Variants in ATXN2 observed in about 807,000 individuals in gnomAD.
ATXN2 encodes ataxin-2.
Under a neutral mutation model 138.6 loss-of-function variants are expected in ATXN2, and 37 were observed. The ratio of observed to expected loss-of-function variants is 0.27; its 90% confidence interval spans 0.21 to 0.35. The LOEUF (loss-of-function observed/expected upper bound fraction) is 0.35. ATXN2 is among the 10% of genes least tolerant of loss of function. The pLI is 1.00. For synonymous variants in ATXN2, 549 were observed against 543.7 expected (o/e 1.01, Z -0.13); for missense variants, 1,216 against 1,480.3 (o/e 0.82, Z 2.93).
chr12:111,507,678 G>A (rs1211427071), intron 14 of ATXN2, among the ~76,000 whole-genome samples: 1 of 152,270 alleles, frequency 6.6e-6, no homozygotes, highest in Non-Finnish European at 1.5e-5. Flanking sequence ...AGCTTATTGA[G>A]AACGGGCCAT....
chr12:111,461,744 A>ACC lies in ATXN2; in HGVS notation c.2896+2916_2896+2917dup, dbSNP rs1875598604. Among the ~76,000 whole-genome samples the ACC allele has an allele frequency of 2.0e-5, 3 of 151,784 alleles. 1 individual carries two copies. In the Middle Eastern group the frequency reaches 0.01, roughly 516 times the overall value. On this transcript the variant is annotated intron_variant, in intron 21 of 24. Coordinates refer to ENST00000673436, the MANE Select transcript of ATXN2 (RefSeq NM_001372574.1). ...AGACCAGCCTGGCCAAGATGGTGAA[A>ACC]CCCTGTCTCTACTAAAAATACAAAA... is the stretch of plus-strand genomic sequence containing the variant.
chr12:111,482,191 T>A (rs1474369722), intron 18 of ATXN2, among the ~76,000 whole-genome samples: 1 of 50,980 alleles, frequency 2.0e-5, no homozygotes, highest in African/African-American at 4.4e-4. Context: ...TTCTCTACTA[T>A]TTTTTTTTTT....
At chr12:111,591,327 C>G (rs1252533970) in intron 1 of ATXN2, among the ~76,000 whole-genome samples, 1 of 151,946 alleles carries the variant, frequency 6.6e-6, no homozygotes, top group Non-Finnish European at 1.5e-5. Context: ...TATTACGTTT[C>G]TATTTATTTC....
At chr12:111,518,556 C>T (rs1879981527) in intron 8 of ATXN2, 129 bp from the exon 9 acceptor site, 1 of 917,096 alleles carries the variant, frequency 1.1e-6, no homozygotes, top group South Asian at 2.1e-5. Context: ...CAAACTGCCT[C>T]ACTCCCAGAT....
intron 1 of ATXN2, among the ~76,000 whole-genome samples, chr12:111,558,875 C>T (rs1468947730): frequency 1.3e-5 from 2 of 151,220 alleles, no homozygotes; most frequent in East Asian, 3.9e-4. Flanking sequence ...ATGGTATGAG[C>T]TGATAACTAT....
intron 1 of ATXN2, among the ~76,000 whole-genome samples, chr12:111,584,430 C>T (rs537443924): frequency 1.7e-4 from 25 of 142,946 alleles, no homozygotes; most frequent in Non-Finnish European, 3.3e-4. Context: ...ACTGTTGCTG[C>T]TCGTGGCAGA....
intron 18 of ATXN2, among the ~76,000 whole-genome samples, chr12:111,479,495 T>C (rs575667479): frequency 2.6e-4 from 39 of 150,798 alleles, no homozygotes; most frequent in Non-Finnish European, 4.9e-4. Context: ...GGCAGTGGAA[T>C]TGCAGACCAA....
chr12:111,522,118 A>C (rs776468531), intron 6 of ATXN2, among the ~76,000 whole-genome samples: 1 of 152,140 alleles, frequency 6.6e-6, no homozygotes, highest in African/African-American at 2.4e-5. Flanking sequence ...TCCAGGTAAG[A>C]CTATAATGTA....
chr12:111,570,537 T>C (rs990562988), intron 1 of ATXN2, among the ~76,000 whole-genome samples: 2 of 152,246 alleles, frequency 1.3e-5, no homozygotes, highest in East Asian at 3.8e-4. Context: ...TCTATCACAC[T>C]GTGAACCAAA....
rs746562037 is a variant in ATXN2, at chr12:111,483,188, A to AACAC, written c.2524+2073_2524+2076dup. 4.3e-3 allele frequency among the ~76,000 whole-genome samples: 513 copies of AACAC among 118,890 alleles called. 7 individuals carry two copies. Among genetic ancestry groups the AACAC allele is most frequent in the Non-Finnish European group, 5.7e-3 (329 of 58,222 alleles). The allele number at this position is 118,890 out of a possible 152,430, so 78.0% of individuals were successfully genotyped here. A position where few individuals can be genotyped will look rare whatever the true frequency, so the allele number is the denominator to read the frequency against. ...AGCAGCAAAGCAAGACCCTGTATCA[A>AACAC]ACACATACACACACACACACACACA... On this transcript the variant is annotated intron_variant, in intron 18 of 24. Coordinates refer to ENST00000673436, the MANE Select transcript of ATXN2 (RefSeq NM_001372574.1).
intron 1 of ATXN2, among the ~76,000 whole-genome samples, chr12:111,560,911 C>T (rs1026366668): frequency 6.6e-6 from 1 of 152,224 alleles, no homozygotes; most frequent in Non-Finnish European, 1.5e-5. Flanking sequence ...CGAAAGAAAA[C>T]CATAATTAAT....
chr12:111,593,849 T>C (rs1325094517), intron 1 of ATXN2, among the ~76,000 whole-genome samples: 1 of 152,236 alleles, frequency 6.6e-6, no homozygotes, highest in Non-Finnish European at 1.5e-5. Context: ...AGTATCAATG[T>C]GCACATAAAA....
intron 5 of ATXN2, among the ~76,000 whole-genome samples, chr12:111,547,619 G>C (rs979643347): frequency 5.3e-5 from 8 of 151,970 alleles, no homozygotes; most frequent in Non-Finnish European, 8.8e-5. Flanking sequence ...CAGCTACTCG[G>C]GAGGCTGAGA....
chr12:111,577,419 C>A (rs1883733943), intron 1 of ATXN2, among the ~76,000 whole-genome samples: 1 of 151,942 alleles, frequency 6.6e-6, no homozygotes, highest in African/African-American at 2.4e-5. Context: ...GCGCCCGCCA[C>A]CACACCCGGT....
At chr12:111,467,704 T>G (rs949273565) in intron 20 of ATXN2, among the ~76,000 whole-genome samples, 2 of 152,214 alleles carry the variant, frequency 1.3e-5, no homozygotes. Flanking sequence ...TTGTTTTGTT[T>G]GCAACATTTC....
intron 20 of ATXN2, chr12:111,468,474 T>C (rs1256994912): frequency 6.6e-6 from 1 of 152,184 alleles, no homozygotes; most frequent in African/African-American, 2.4e-5. Flanking sequence ...CCTTTGATCA[T>C]ATACAAATTC....
At position 111,516,562 on chromosome 12, in the gene ATXN2, T is replaced by A. The variant is rs927765103; in HGVS notation, c.1166-199A>T. 6.6e-6 allele frequency among the ~76,000 whole-genome samples: 1 copy of A among 152,156 alleles called. No homozygotes were observed. ...ACATTTTACTTTAACCTCCTTAAGA[T>A]TAAGTCTGTTTAAATGAATACACGT... On this transcript the variant is annotated intron_variant, in intron 9 of 24. Coordinates refer to ENST00000673436, the MANE Select transcript of ATXN2 (RefSeq NM_001372574.1). This position sits in a 1 kb window ranked among gnomAD's most constrained non-coding sequence, Gnocchi z 5.0.
intron 1 of ATXN2, among the ~76,000 whole-genome samples, chr12:111,580,030 C>A (rs1883906413): frequency 6.6e-6 from 1 of 152,072 alleles, no homozygotes; most frequent in African/African-American, 2.4e-5. Flanking sequence ...TTGCCCAGGG[C>A]CTTGAACTCC....
intron 5 of ATXN2, among the ~76,000 whole-genome samples, chr12:111,546,249 A>G (rs1212834609): frequency 6.6e-6 from 1 of 152,234 alleles, no homozygotes; most frequent in Non-Finnish European, 1.5e-5. Context: ...CAAAGCCAGT[A>G]TAGCATGTAT....
Sources: allele counts gnomAD v4.1 joint callset (sites outside exome capture counted in the v4.1 genomes callset), GRCh38; gene constraint gnomAD v4.1.1; non-coding constraint Gnocchi (gnomAD v3.1); transcripts MANE v1.5; gene names NCBI Gene and HGNC (gene_info 2026-07-23, HGNC 2026-07-21).